Variants in BBS9 observed in about 807,000 individuals in gnomAD.
The protein encoded by BBS9 is protein PTHB1.
Under a neutral mutation model 117.7 loss-of-function variants are expected in BBS9, and 89 were observed. The observed-to-expected ratio is 0.76, with a 90% CI of 0.64 to 0.90. The LOEUF (loss-of-function observed/expected upper bound fraction) is 0.90. BBS9 is among the 40% of genes least tolerant of loss of function. The probability of loss-of-function intolerance (pLI) is 0.00; values close to 1 mark genes in which losing one functional copy is unlikely to be tolerated. For synonymous variants in BBS9, 379 were observed against 370.9 expected, an observed-to-expected ratio of 1.02 and a Z score of -0.25; for missense variants, 982 against 1,042.2, an observed-to-expected ratio of 0.94 and a Z score of 0.80.
intron 4 of BBS9, among the ~76,000 whole-genome samples, chr7:33,158,070 A>G (rs562080338): frequency 6.6e-6 from 1 of 152,350 alleles, no homozygotes; most frequent in South Asian, 2.1e-4. Flanking sequence ...TTTACTAAAC[A>G]TCTGACATAT....
At chr7:33,189,027 T>C (rs1415630494) in intron 5 of BBS9, among the ~76,000 whole-genome samples, 2 of 152,142 alleles carry the variant, frequency 1.3e-5, no homozygotes, top group Non-Finnish European at 2.9e-5. Flanking sequence ...TTTTATTTTA[T>C]TTTTTTGTTT....
intron 19 of BBS9, among the ~76,000 whole-genome samples, chr7:33,449,822 A>G (rs1837526871): frequency 6.6e-6 from 1 of 152,208 alleles, no homozygotes; most frequent in Non-Finnish European, 1.5e-5. Context: ...ATACTCTTCC[A>G]TCCCGCCCTC....
intron 9 of BBS9, among the ~76,000 whole-genome samples, chr7:33,306,124 A>C (rs1180264703): frequency 1.3e-5 from 2 of 151,894 alleles, no homozygotes; most frequent in Non-Finnish European, 2.9e-5. Flanking sequence ...AGAACTTTTC[A>C]GTTTCCTTCT....
At chr7:33,380,263 A>G in intron 17 of BBS9, 1 of 174,754 alleles carries the variant, frequency 5.7e-6, no homozygotes, top group African/African-American at 2.4e-5. Flanking sequence ...CCCAACTACA[A>G]GCTCCACCTG....
intron 19 of BBS9, among the ~76,000 whole-genome samples, chr7:33,392,416 T>A (rs369420020): frequency 3.9e-5 from 6 of 152,298 alleles, no homozygotes; most frequent in African/African-American, 4.8e-5. Context: ...CTGAAATAAT[T>A]GGGCCACTTG....
intron 21 of BBS9, among the ~76,000 whole-genome samples, chr7:33,546,200 T>C (rs1282168212): frequency 1.3e-5 from 2 of 152,154 alleles, no homozygotes; most frequent in Non-Finnish European, 2.9e-5. Flanking sequence ...CCCAAAGTGC[T>C]GGGATTACAG....
chr7:33,390,952 G>A (rs1826968297), intron 19 of BBS9, among the ~76,000 whole-genome samples: 1 of 152,064 alleles, frequency 6.6e-6, no homozygotes, highest in Non-Finnish European at 1.5e-5. Context: ...TTAGTGCATA[G>A]ATGTACTTCT....
At chr7:33,295,501 CCAT>C (rs1554403060) in intron 9 of BBS9, among the ~76,000 whole-genome samples, 2 of 151,824 alleles carry the variant, frequency 1.3e-5, no homozygotes, top group Non-Finnish European at 2.9e-5. Context: ...CCATTTCCCC[CCAT>C]CTTTTAAAAT....
At chr7:33,299,381 G>A (rs1413586065) in intron 9 of BBS9, among the ~76,000 whole-genome samples, 1 of 151,896 alleles carries the variant, frequency 6.6e-6, no homozygotes, top group Non-Finnish European at 1.5e-5. Flanking sequence ...ATGATGTGCT[G>A]AAATGATTTG....
intron 19 of BBS9, among the ~76,000 whole-genome samples, chr7:33,434,823 A>C (rs776769727): frequency 1.3e-5 from 2 of 152,184 alleles, no homozygotes; most frequent in Non-Finnish European, 2.9e-5. Context: ...TGGAGTCTAA[A>C]ATGTACAATG....
intron 19 of BBS9, among the ~76,000 whole-genome samples, chr7:33,391,521 T>A (rs1219973618): frequency 6.6e-6 from 1 of 152,216 alleles, no homozygotes; most frequent in Non-Finnish European, 1.5e-5. Context: ...CCTGCTTTCC[T>A]AGGTATTATT....
intron 21 of BBS9, among the ~76,000 whole-genome samples, chr7:33,600,924 A>G (rs1585435974): frequency 6.6e-6 from 1 of 152,186 alleles, no homozygotes; most frequent in East Asian, 1.9e-4. Context: ...ATGGAAAACC[A>G]AAGCTGGAAA....
intron 20 of BBS9, among the ~76,000 whole-genome samples, chr7:33,516,119 A>G (rs1314038015): frequency 6.6e-6 from 1 of 152,178 alleles, no homozygotes; most frequent in African/African-American, 2.4e-5. Flanking sequence ...CGGAACCTGA[A>G]AGCCAGAAGT....
chr7:33,320,270 G>A (rs771455950), intron 9 of BBS9, among the ~76,000 whole-genome samples: 1 of 151,702 alleles, frequency 6.6e-6, no homozygotes, highest in African/African-American at 2.4e-5. Context: ...GGTAATCATT[G>A]TTCTACTCTT....
intron 5 of BBS9, among the ~76,000 whole-genome samples, chr7:33,242,807 T>C (rs1794756558): frequency 1.3e-5 from 2 of 152,180 alleles, no homozygotes; most frequent in Non-Finnish European, 2.9e-5. Flanking sequence ...TGATAGACCA[T>C]GTTAAATTTG....
intron 21 of BBS9, among the ~76,000 whole-genome samples, chr7:33,549,738 A>C (rs939567934): frequency 7.9e-5 from 12 of 152,328 alleles, no homozygotes; most frequent in African/African-American, 2.9e-4. Flanking sequence ...ATACCATCTC[A>C]CACCAGTGAA....
At chr7:33,579,127 A>C (rs530712999) in intron 21 of BBS9, among the ~76,000 whole-genome samples, 14 of 152,294 alleles carry the variant, frequency 9.2e-5, no homozygotes, top group African/African-American at 3.1e-4. Context: ...AGTATTGGGC[A>C]TTCCTATTTG....
intron 5 of BBS9, among the ~76,000 whole-genome samples, chr7:33,192,648 A>G (rs1784314304): frequency 6.6e-6 from 1 of 152,192 alleles, no homozygotes; most frequent in Non-Finnish European, 1.5e-5. Flanking sequence ...GTCCTAGTCC[A>G]TTTGTGTTGC....
At chr7:33,534,270 T>G (rs1411946153) in intron 21 of BBS9, 94 bp downstream of exon 21, 1 of 1,339,216 alleles carries the variant, frequency 7.5e-7, no homozygotes, top group African/African-American at 1.4e-5. Flanking sequence ...AAATTTCATA[T>G]TAAAGTGATG....
Sources: gnomAD v4.1 joint callset for allele counts (sites outside exome capture counted in the v4.1 genomes callset) on GRCh38, gnomAD v4.1.1 for gene constraint, MANE v1.5 for transcripts, NCBI Gene and HGNC (gene_info 2026-07-23, HGNC 2026-07-21) for gene names.